TMEM135: variants seen among roughly 807,000 people sequenced by gnomAD.
The protein encoded by TMEM135 is transmembrane protein 135.
Under a neutral mutation model 60.3 loss-of-function variants are expected in TMEM135, and 30 were observed. The ratio of observed to expected loss-of-function variants is 0.50; its 90% CI spans 0.37 to 0.68. TMEM135 has a LOEUF of 0.68. Among genes scored for constraint, TMEM135 ranks in the 30% least tolerant of loss-of-function variants. The pLI is 0.00. For synonymous variants in TMEM135, 190 were observed against 186.7 expected, an observed-to-expected ratio of 1.02 and a Z score of -0.14; for missense variants, 468 against 548.8, an observed-to-expected ratio of 0.85 and a Z score of 1.47.
At chr11:87,123,405 C>CT (rs1251080246) in intron 4 of TMEM135, among the ~76,000 whole-genome samples, 1 of 152,192 alleles carries the variant, frequency 6.6e-6, no homozygotes, top group Non-Finnish European at 1.5e-5. Context: ...CTTCTTCTCT[C>CT]TCTGTCTGTG....
intron 4 of TMEM135, among the ~76,000 whole-genome samples, chr11:87,156,181 G>T (rs1938689890): frequency 6.6e-6 from 1 of 152,090 alleles, no homozygotes; most frequent in African/African-American, 2.4e-5. Context: ...TATATGCAAG[G>T]TTTTATTTTT....
intron 6 of TMEM135, among the ~76,000 whole-genome samples, chr11:87,267,519 A>AT (rs1941774681): frequency 6.6e-6 from 1 of 152,176 alleles, no homozygotes; most frequent in Non-Finnish European, 1.5e-5. Flanking sequence ...CTGGAAAGGT[A>AT]TTTTTGTCCA....
intron 5 of TMEM135, among the ~76,000 whole-genome samples, chr11:87,172,834 AT>A (rs922770279): frequency 4.6e-5 from 7 of 151,856 alleles, no homozygotes; most frequent in African/African-American, 1.7e-4. Flanking sequence ...TTGACATTAA[AT>A]TTTTTCATGA....
At chr11:87,159,012 G>T (rs1219966644) in intron 5 of TMEM135, among the ~76,000 whole-genome samples, 1 of 152,136 alleles carries the variant, frequency 6.6e-6, no homozygotes. Flanking sequence ...GATGGTTAGG[G>T]AAATGTATGC....
chr11:87,059,613 G>A (rs1949926905), intron 1 of TMEM135, among the ~76,000 whole-genome samples: 1 of 152,082 alleles, frequency 6.6e-6, no homozygotes, highest in Non-Finnish European at 1.5e-5. Context: ...ACCACACCTG[G>A]CCTTTCCCAG....
chr11:87,188,588 C>T lies in TMEM135; in HGVS notation c.462+31182C>T, dbSNP rs1939710527. Reference sequence around the variant, plus strand: ...GTATGGAGGCTGGCGCCTGTAATCCCAGATACTCAGGAGGCTGAGGCAGGA... The same window carrying T: ...GTATGGAGGCTGGCGCCTGTAATCCTAGATACTCAGGAGGCTGAGGCAGGA... On this transcript the variant is annotated intron_variant, in intron 5 of 14. Transcript: ENST00000305494. 2.6e-5 allele frequency among the ~76,000 whole-genome samples: 4 copies of T among 151,954 alleles called. No homozygotes were observed. The South Asian group carries it at 8.4e-4, about 32-fold the overall frequency.
intron 5 of TMEM135, among the ~76,000 whole-genome samples, chr11:87,233,149 C>CA (rs1209781834): frequency 2.0e-5 from 3 of 151,354 alleles, no homozygotes; most frequent in African/African-American, 4.9e-5. Context: ...GAGTCCGTCT[C>CA]AAAAAACAAA....
chr11:87,261,510 A>G (rs544704191), intron 6 of TMEM135, among the ~76,000 whole-genome samples: 6 of 152,218 alleles, frequency 3.9e-5, no homozygotes, highest in Non-Finnish European at 8.8e-5. Context: ...TCATTTAAAA[A>G]TTCAAACAAT....
At chr11:87,065,235 T>C (rs1856627349) in intron 1 of TMEM135, among the ~76,000 whole-genome samples, 1 of 152,220 alleles carries the variant, frequency 6.6e-6, no homozygotes, top group Non-Finnish European at 1.5e-5. Flanking sequence ...GGACAAATAA[T>C]AGTTGATTGT....
intron 6 of TMEM135, among the ~76,000 whole-genome samples, chr11:87,270,085 C>T (rs1941834111): frequency 1.4e-5 from 2 of 141,742 alleles, no homozygotes; most frequent in African/African-American, 2.5e-5. Flanking sequence ...TTGCATTTCT[C>T]TGATGGCCAG....
chr11:87,067,213 A>G (rs1412897622), intron 1 of TMEM135, among the ~76,000 whole-genome samples: 1 of 147,670 alleles, frequency 6.8e-6, no homozygotes, highest in African/African-American at 2.5e-5. Flanking sequence ...AATATACTAT[A>G]TATATGTAGT....
At chr11:87,245,227 A>G (rs1353325669) in intron 6 of TMEM135, among the ~76,000 whole-genome samples, 1 of 151,328 alleles carries the variant, frequency 6.6e-6, no homozygotes, top group Non-Finnish European at 1.5e-5. Context: ...AGTTGGTTAT[A>G]ATTTCTGTTC....
intron 6 of TMEM135, among the ~76,000 whole-genome samples, chr11:87,252,798 A>ATATGTGTGTGTG (rs1555124821): frequency 3.4e-4 from 45 of 134,206 alleles, no homozygotes; most frequent in South Asian, 7.3e-4. Flanking sequence ...TAAAATATAT[A>ATATGTGTGTGTG]TGTGTGTGTG....
intron 8 of TMEM135, among the ~76,000 whole-genome samples, chr11:87,302,655 G>T (rs1438515104): frequency 6.6e-6 from 1 of 152,154 alleles, no homozygotes; most frequent in Admixed American, 6.5e-5. Flanking sequence ...CTTTAAAAGA[G>T]GTTTGCATAA....
intron 4 of TMEM135, among the ~76,000 whole-genome samples, chr11:87,091,646 G>A (rs2512385): frequency 0.54 from 82,346 of 151,242 alleles, 23,102 homozygotes; most frequent in East Asian, 0.7. Flanking sequence ...TTAAGTTTAC[G>A]TCTTCATCTC....
chr11:87,307,270 A>G (rs2135445384), intron 9 of TMEM135, among the ~76,000 whole-genome samples: 1 of 152,186 alleles, frequency 6.6e-6, no homozygotes, highest in South Asian at 2.1e-4. Flanking sequence ...ACAATTCCCC[A>G]AAATGACCAA....
chr11:87,067,232 AT>A (rs74381616), intron 1 of TMEM135, among the ~76,000 whole-genome samples: 4 of 147,070 alleles, frequency 2.7e-5, no homozygotes, highest in South Asian at 4.2e-4. Flanking sequence ...GTATATATAT[AT>A]TTTTTTTTCT....
At chr11:87,271,839 G>A (rs1315890966) in intron 6 of TMEM135, among the ~76,000 whole-genome samples, 1 of 151,962 alleles carries the variant, frequency 6.6e-6, no homozygotes, top group Non-Finnish European at 1.5e-5. Context: ...TGGAGGCTGA[G>A]GTGGGAAAAT....
At chr11:87,236,781 C>A (rs1333938707) in intron 6 of TMEM135, 97 bp downstream of exon 6, 8 of 1,244,962 alleles carry the variant, frequency 6.4e-6, no homozygotes, top group African/African-American at 1.5e-5. Context: ...AATAATTATC[C>A]CTTACAAGCA....
Sources: gnomAD v4.1 joint callset for allele counts (sites outside exome capture counted in the v4.1 genomes callset) on GRCh38, gnomAD v4.1.1 for gene constraint, MANE v1.5 for transcripts, NCBI Gene and HGNC (gene_info 2026-07-23, HGNC 2026-07-21) for gene names.